GLIS3: variants seen among roughly 807,000 people sequenced by gnomAD.
GLIS3 encodes GLIS family zinc finger 3.
GLIS3 carries 53 observed loss-of-function variants against 78.6 expected under a neutral mutation model. The observed-to-expected ratio is 0.67, with a 90% CI of 0.54 to 0.85. GLIS3 has a LOEUF of 0.85. Among genes scored for constraint, GLIS3 ranks in the 40% least tolerant of loss-of-function variants. The pLI is 0.00. For missense variants in GLIS3, 1,703 were observed against 1,231.1 expected (o/e 1.38, Z -5.74); for synonymous variants, 684 against 509.9 (o/e 1.34, Z -4.60).
chr9:4,133,598 C>T (rs1416635989), intron 2 of GLIS3, among the ~76,000 whole-genome samples: 1 of 152,216 alleles, frequency 6.6e-6, no homozygotes, highest in African/African-American at 2.4e-5. Flanking sequence ...CTCTGTGCCT[C>T]AGTGTCCTGA....
intron 4 of GLIS3, chr9:4,305,906 A>G (rs1817216852): frequency 6.6e-6 from 1 of 152,222 alleles, no homozygotes; most frequent in South Asian, 2.1e-4. Context: ...TCATTTGTAC[A>G]AGTCAGTAAA....
the GLIS3 span, among the ~76,000 whole-genome samples, chr9:4,426,186 T>A: frequency 1.1e-4 from 17 of 152,240 alleles, 1 homozygote; most frequent in South Asian, 3.5e-3. Context: ...TCATCTGATT[T>A]CCTCCTTGGG....
the GLIS3 span, among the ~76,000 whole-genome samples, chr9:4,383,870 G>A: frequency 3.9e-5 from 6 of 152,308 alleles, no homozygotes; most frequent in Admixed American, 3.9e-4. Flanking sequence ...TCCAGTAGTT[G>A]AAATGGGCTT....
chr9:4,389,227 A>T, the GLIS3 span, among the ~76,000 whole-genome samples: 1 of 152,214 alleles, frequency 6.6e-6, no homozygotes, highest in Non-Finnish European at 1.5e-5. Context: ...CTGACAAAGG[A>T]TAGAGATGAG....
intron 1 of GLIS3, among the ~76,000 whole-genome samples, chr9:4,294,394 AACT>A (rs1359769520): frequency 6.6e-6 from 1 of 152,124 alleles, no homozygotes; most frequent in Non-Finnish European, 1.5e-5. Context: ...CTGTAATCCC[AACT>A]ACTTGGGAGG....
intron 4 of GLIS3, among the ~76,000 whole-genome samples, chr9:3,978,484 TCAATAAATATATAC>T (rs527536973): frequency 1.9e-3 from 282 of 152,244 alleles, no homozygotes; most frequent in African/African-American, 6.5e-3. Context: ...ATTTTCCATA[TCAATAAATATATAC>T]CAATGTCATC....
At chr9:4,128,748 C>T (rs1832753363) in intron 2 of GLIS3, among the ~76,000 whole-genome samples, 1 of 152,186 alleles carries the variant, frequency 6.6e-6, no homozygotes, top group South Asian at 2.1e-4. Flanking sequence ...TCAAGGCTGC[C>T]TCTGTAACTC....
chr9:3,839,254 A>C (rs572435202), intron 9 of GLIS3, among the ~76,000 whole-genome samples: 6 of 152,166 alleles, frequency 3.9e-5, no homozygotes, highest in Admixed American at 6.5e-5. Flanking sequence ...AATTCATCCA[A>C]CCATTCTAAT....
intron 4 of GLIS3, among the ~76,000 whole-genome samples, chr9:3,956,495 A>G (rs868714044): frequency 7.9e-5 from 12 of 152,238 alleles, no homozygotes; most frequent in Non-Finnish European, 1.3e-4. Flanking sequence ...GGCCCATCAA[A>G]TAAAGGCCTT....
intron 2 of GLIS3, among the ~76,000 whole-genome samples, chr9:4,260,433 G>A (rs1006665247): frequency 3.9e-5 from 6 of 152,054 alleles, no homozygotes; most frequent in Non-Finnish European, 2.9e-5. Flanking sequence ...TTGGCGTGGT[G>A]GCAGGTGCCT....
At chr9:4,453,757 C>T in the GLIS3 span, among the ~76,000 whole-genome samples, 2 of 151,942 alleles carry the variant, frequency 1.3e-5, no homozygotes, top group Non-Finnish European at 1.5e-5. Context: ...GACAGGAAAC[C>T]AAACACTGCA....
At chr9:4,480,282 G>A in the GLIS3 span, among the ~76,000 whole-genome samples, 1 of 141,788 alleles carries the variant, frequency 7.1e-6, no homozygotes, top group African/African-American at 2.7e-5. Context: ...ACAGCTCACT[G>A]CAGTCTAGAC....
At chr9:3,902,838 G>T (rs1823413798) in intron 6 of GLIS3, among the ~76,000 whole-genome samples, 1 of 152,168 alleles carries the variant, frequency 6.6e-6, no homozygotes, top group South Asian at 2.1e-4. Context: ...TTAAATATAG[G>T]AACAGAAACC....
intron 4 of GLIS3, among the ~76,000 whole-genome samples, chr9:4,092,120 T>C (rs1829562092): frequency 6.6e-6 from 1 of 151,280 alleles, no homozygotes; most frequent in South Asian, 2.1e-4. Flanking sequence ...CTTTCTTTAA[T>C]AATAAATTTA....
chr9:4,090,934 C>T (rs79531601), intron 4 of GLIS3, among the ~76,000 whole-genome samples: 2 of 152,198 alleles, frequency 1.3e-5, no homozygotes, highest in Non-Finnish European at 2.9e-5. Flanking sequence ...CAAACCCTGG[C>T]TCAGCCATTT....
At chr9:3,868,720 A>C (rs1438499190) in intron 8 of GLIS3, among the ~76,000 whole-genome samples, 1 of 152,198 alleles carries the variant, frequency 6.6e-6, no homozygotes, top group Non-Finnish European at 1.5e-5. Flanking sequence ...CTTGTCCTCA[A>C]GTTAAAGCCC....
the GLIS3 span, among the ~76,000 whole-genome samples, chr9:4,434,094 CAAAA>C: frequency 3.0e-5 from 3 of 100,212 alleles, no homozygotes; most frequent in Non-Finnish European, 3.9e-5. Context: ...GACTCTGTCT[CAAAA>C]AAAAAAAAAA....
chr9:3,954,838 AAG>A (rs1443065821), intron 4 of GLIS3, among the ~76,000 whole-genome samples: 2 of 152,340 alleles, frequency 1.3e-5, no homozygotes, highest in East Asian at 3.9e-4. Context: ...AATAAAGTAA[AAG>A]AGGATGAAGC....
chr9:3,918,932 G>C (rs537941283), intron 6 of GLIS3, among the ~76,000 whole-genome samples: 1 of 152,092 alleles, frequency 6.6e-6, no homozygotes, highest in Non-Finnish European at 1.5e-5. Context: ...ATAAGACCCC[G>C]GGAAGATCCC....
Sources: gnomAD v4.1 joint callset for allele counts (sites outside exome capture counted in the v4.1 genomes callset) on GRCh38, gnomAD v4.1.1 for gene constraint, MANE v1.5 for transcripts, NCBI Gene and HGNC (gene_info 2026-07-23, HGNC 2026-07-21) for gene names.